The following OSBPL10 variants were observed in gnomAD, a reference collection of about 807,000 sequenced individuals.
The protein encoded by OSBPL10 is oxysterol binding protein like 10, also known as oxysterol-binding protein-related protein 10.
A neutral mutation model predicts 81.7 loss-of-function variants in OSBPL10; 49 were observed. The ratio of observed to expected loss-of-function variants is 0.60; its 90% confidence interval spans 0.48 to 0.76. OSBPL10 has a LOEUF of 0.76. Among genes scored for constraint, OSBPL10 ranks in the 30% least tolerant of loss-of-function variants. The pLI, the probability that OSBPL10 is intolerant of heterozygous loss-of-function variation, is 0.00. For missense variants in OSBPL10, 923 were observed against 987.8 expected, an observed-to-expected ratio of 0.93 and a Z score of 0.88; for synonymous variants, 419 against 383.6, an observed-to-expected ratio of 1.09 and a Z score of -1.08.
chr3:31,914,571 G>A (rs760028088), intron 1 of OSBPL10, among the ~76,000 whole-genome samples: 6 of 152,142 alleles, frequency 3.9e-5, no homozygotes, highest in Non-Finnish European at 8.8e-5. Context: ...TCCAAGATGG[G>A]ACTCTGATTT....
At chr3:31,930,991 G>T (rs1697228199) in intron 1 of OSBPL10, among the ~76,000 whole-genome samples, 1 of 134,908 alleles carries the variant, frequency 7.4e-6, no homozygotes, top group African/African-American at 2.9e-5. Context: ...CTCCAGCCTG[G>T]GCGACAGAGC....
chr3:31,682,086 A>G (rs369613407), intron 8 of OSBPL10, among the ~76,000 whole-genome samples: 6 of 152,202 alleles, frequency 3.9e-5, no homozygotes, highest in African/African-American at 1.4e-4. Context: ...TAACTTTAGA[A>G]CCTATCCAGA....
At chr3:31,710,835 G>T (rs1696229506) in intron 6 of OSBPL10, 1 of 152,216 alleles carries the variant, frequency 6.6e-6, no homozygotes, top group Non-Finnish European at 1.5e-5. Context: ...TGATAAGAGG[G>T]AATGCAATGG....
chr3:31,813,029 A>G (rs915029239), intron 4 of OSBPL10, among the ~76,000 whole-genome samples: 14 of 152,228 alleles, frequency 9.2e-5, no homozygotes, highest in Admixed American at 8.5e-4. Flanking sequence ...TGTGTTTTAC[A>G]TCGAAATCTC....
At chr3:31,782,075 A>C (rs1462924874) in intron 4 of OSBPL10, among the ~76,000 whole-genome samples, 2 of 152,250 alleles carry the variant, frequency 1.3e-5, no homozygotes, top group Non-Finnish European at 2.9e-5. Flanking sequence ...ACAGGTACCA[A>C]AACAGCATGG....
At chr3:31,916,672 A>T (rs1696767181) in intron 1 of OSBPL10, among the ~76,000 whole-genome samples, 1 of 152,202 alleles carries the variant, frequency 6.6e-6, no homozygotes, top group Non-Finnish European at 1.5e-5. Context: ...TAAATATTGG[A>T]GTGGACACTT....
Position 31,670,906 on chromosome 3 carries a change from T to C in OSBPL10, c.1804A>G (p.Ile602Val), listed in dbSNP as rs776604925. ...TTTCCTCCGAGCTCCACCCACGGGATGGTGAGAATGGACCGGGCGTAGGCA... is the reference window on the plus strand; with the variant it reads ...TTTCCTCCGAGCTCCACCCACGGGACGGTGAGAATGGACCGGGCGTAGGCA... ...PSAYARSILT[I>V]PWVELGGKVS... Residue 602 changes from isoleucine to valine, a missense_variant, in exon 9 of 12, where the codon ATC becomes GTC. Physicochemically the swap from Ile to Val is conservative, Grantham distance 29 (BLOSUM62 3). This residue lies in a region of OSBPL10 where 387 missense variants were observed against 436.3 expected (regional missense o/e 0.89). Transcript: ENST00000396556. 2 of 1,614,118 alleles carry C rather than the reference T, an allele frequency of 1.2e-6. No homozygotes were observed. The highest frequency in any genetic ancestry group is 1.1e-5 in the South Asian group (1 of 91,062).
At chr3:31,805,809 AAGAAGGGAAGAAC>A (rs773971621) in intron 4 of OSBPL10, among the ~76,000 whole-genome samples, 86 of 152,304 alleles carry the variant, frequency 5.6e-4, no homozygotes, top group Non-Finnish European at 9.1e-4. Flanking sequence ...ATAACCCAAC[AAGAAGGGAAGAAC>A]AGCTCTTCCC....
At chr3:31,962,979 A>G (rs1210132751) in intron 1 of OSBPL10, among the ~76,000 whole-genome samples, 1 of 152,142 alleles carries the variant, frequency 6.6e-6, no homozygotes, top group Non-Finnish European at 1.5e-5. Context: ...TTCAAATAAT[A>G]TTACAGGAAG....
chr3:31,783,789 TAAAAAAAAAAAAAAAAAAAA>T (rs869137696), intron 4 of OSBPL10, among the ~76,000 whole-genome samples: 5 of 19,950 alleles, frequency 2.5e-4, no homozygotes, highest in Admixed American at 1.1e-3. Context: ...AGACTCCGAT[TAAAAAAAAAAAAAAAAAAAA>T]AAAAAAAAAA....
At chr3:31,978,086 T>G (rs994093428) in intron 1 of OSBPL10, among the ~76,000 whole-genome samples, 1 of 152,188 alleles carries the variant, frequency 6.6e-6, no homozygotes, top group Non-Finnish European at 1.5e-5. Context: ...TTACAGCAAC[T>G]TGAGAACATG....
intron 7 of OSBPL10, among the ~76,000 whole-genome samples, chr3:31,692,096 A>G (rs1695573721): frequency 6.6e-6 from 1 of 152,118 alleles, no homozygotes; most frequent in South Asian, 2.1e-4. Flanking sequence ...TTCCAAGAAG[A>G]TATTTACTAT....
chr3:31,986,386 G>A (rs1195749652), intron 2 of OSBPL10: 1 of 152,144 alleles, frequency 6.6e-6, no homozygotes, highest in Non-Finnish European at 1.5e-5. Context: ...CATCCAGTGG[G>A]AAGAAGAAAA....
chr3:31,791,630 A>G (rs556113719), intron 4 of OSBPL10, among the ~76,000 whole-genome samples: 1 of 152,110 alleles, frequency 6.6e-6, no homozygotes, highest in African/African-American at 2.4e-5. Context: ...CACACTAGTG[A>G]CTTAAAGAGG....
intron 4 of OSBPL10, among the ~76,000 whole-genome samples, chr3:31,826,796 G>T (rs1414000988): frequency 6.6e-6 from 1 of 152,120 alleles, no homozygotes; most frequent in Non-Finnish European, 1.5e-5. Flanking sequence ...GGTGGACCTG[G>T]CCACATCACA....
chr3:32,020,022 G>A (rs1048385144), intron 2 of OSBPL10, among the ~76,000 whole-genome samples: 2 of 152,196 alleles, frequency 1.3e-5, no homozygotes, highest in African/African-American at 2.4e-5. Flanking sequence ...TGTAGAAGCC[G>A]AGTCAATGAG....
Position 31,683,547 on chromosome 3 carries a change from A to C in OSBPL10, c.1726+87T>G, listed in dbSNP as rs994931464. 2.7e-6 allele frequency: 4 copies of C among 1,508,876 alleles called. No homozygotes were observed. In the African/African-American group the frequency reaches 4.2e-5, roughly 16 times the overall value. The allele number at this position is 1,508,876 out of a possible 1,614,324, so 93.5% of individuals were successfully genotyped here. A position where few individuals can be genotyped will look rare whatever the true frequency, so the allele number is the denominator to read the frequency against. On this transcript the variant is annotated intron_variant, in intron 8 of 11. Coordinates refer to ENST00000396556, the MANE Select transcript of OSBPL10 (RefSeq NM_017784.5). Reference sequence around the variant, plus strand: ...CCAGTTAAAAACAACAACAACAAAAAACTCCACACACAAAATTATCAATCA... The same window carrying C: ...CCAGTTAAAAACAACAACAACAAAACACTCCACACACAAAATTATCAATCA...
In OSBPL10 at chr3:31,812,804, A is replaced by G. The variant is rs375636785; in HGVS notation, c.729+17236T>C. ...AAAGAAAGAAAGAAAGAAAGAAAGA[A>G]AGAAAGAAAGAAAGAGAAAGAAAGA... On this transcript the variant is annotated intron_variant, in intron 4 of 11. Transcript: ENST00000396556. Among the ~76,000 whole-genome samples the G allele has an allele frequency of 6.8e-4, 38 of 56,088 alleles. 1 individual carries two copies. Among genetic ancestry groups the G allele is most frequent in the Non-Finnish European group, 9.3e-4 (27 of 28,904 alleles). The allele number at this position is 56,088 out of a possible 152,430, so 36.8% of individuals were successfully genotyped here.
chr3:31,825,845 A>C (rs1403518425), intron 4 of OSBPL10, among the ~76,000 whole-genome samples: 1 of 152,220 alleles, frequency 6.6e-6, no homozygotes, highest in Non-Finnish European at 1.5e-5. Flanking sequence ...CCACTGTCTT[A>C]AACAACTTCT....
Sources: gnomAD v4.1 joint callset for allele counts (sites outside exome capture counted in the v4.1 genomes callset) on GRCh38, gnomAD v4.1.1 for gene constraint, gnomAD v4.1.1 regional missense constraint, MANE v1.5 for transcripts, NCBI Gene and HGNC (gene_info 2026-07-23, HGNC 2026-07-21) for gene names.